Variants in NRXN1 observed in about 807,000 individuals in gnomAD.
NRXN1 encodes the protein neurexin-1.
A neutral mutation model predicts 150.9 loss-of-function variants in NRXN1; 39 were observed. The observed-to-expected ratio is 0.26, with a 90% confidence interval of 0.20 to 0.34. The LOEUF (loss-of-function observed/expected upper bound fraction) is 0.34. NRXN1 is among the 10% of genes least tolerant of loss of function. NRXN1 has a pLI of 1.00. For synonymous variants in NRXN1, 924 were observed against 757.0 expected (o/e 1.22, Z -3.62); for missense variants, 1,815 against 1,949.9 (o/e 0.93, Z 1.30).
At chr2:50,218,936 G>A (rs916695580) in intron 18 of NRXN1, among the ~76,000 whole-genome samples, 4 of 151,926 alleles carry the variant, frequency 2.6e-5, no homozygotes, top group African/African-American at 9.7e-5. Flanking sequence ...TAGTTTTCAA[G>A]AGAGATATTC....
intron 17 of NRXN1, among the ~76,000 whole-genome samples, chr2:50,377,812 A>G (rs2080636484): frequency 6.6e-6 from 1 of 152,182 alleles, no homozygotes; most frequent in South Asian, 2.1e-4. Flanking sequence ...CAAAATTGTG[A>G]GTAAGGAGCT....
intron 5 of NRXN1, among the ~76,000 whole-genome samples, chr2:50,866,446 A>C (rs1253734252): frequency 6.6e-6 from 1 of 151,944 alleles, no homozygotes; most frequent in Non-Finnish European, 1.5e-5. Context: ...AAGTGAGTTA[A>C]AATTTTCTAA....
intron 5 of NRXN1, among the ~76,000 whole-genome samples, chr2:50,660,978 C>A (rs1026149293): frequency 3.3e-5 from 5 of 151,912 alleles, no homozygotes; most frequent in Admixed American, 2.6e-4. Flanking sequence ...ATTGCAAGTT[C>A]TTTGTGTAGT....
chr2:50,145,321 G>GT (rs1707845426), intron 18 of NRXN1, among the ~76,000 whole-genome samples: 4 of 150,724 alleles, frequency 2.7e-5, no homozygotes, highest in Non-Finnish European at 4.4e-5. Context: ...CACAGAAATT[G>GT]TTTTTTTTCC....
At chr2:50,703,980 T>C (rs2104985165) in intron 5 of NRXN1, among the ~76,000 whole-genome samples, 1 of 152,192 alleles carries the variant, frequency 6.6e-6, no homozygotes. Context: ...TCAAAATATA[T>C]TAAAATATAT....
At chr2:50,699,119 A>G (rs1303600780) in intron 5 of NRXN1, among the ~76,000 whole-genome samples, 1 of 152,200 alleles carries the variant, frequency 6.6e-6, no homozygotes, top group Non-Finnish European at 1.5e-5. Context: ...GAAACACAAA[A>G]TGATAGCAGG....
chr2:50,376,182 T>TA (rs2080480378), intron 17 of NRXN1, among the ~76,000 whole-genome samples: 1 of 151,862 alleles, frequency 6.6e-6, no homozygotes, highest in South Asian at 2.1e-4. Context: ...TTGAAGCTTC[T>TA]AAAAAACCTA....
At chr2:50,660,813 T>A (rs1687190512) in intron 5 of NRXN1, among the ~76,000 whole-genome samples, 1 of 152,010 alleles carries the variant, frequency 6.6e-6, no homozygotes, top group South Asian at 2.1e-4. Flanking sequence ...CATCAATATA[T>A]CCAACAAATA....
intron 21 of NRXN1, among the ~76,000 whole-genome samples, chr2:49,995,572 G>C (rs1480587693): frequency 1.3e-5 from 2 of 151,608 alleles, no homozygotes; most frequent in African/African-American, 2.4e-5. Flanking sequence ...ACGAGGTCAG[G>C]AGATCGACAC....
intron 17 of NRXN1, among the ~76,000 whole-genome samples, chr2:50,267,399 A>G (rs1471616303): frequency 1.3e-5 from 2 of 152,232 alleles, no homozygotes; most frequent in Admixed American, 6.5e-5. Flanking sequence ...TTTATGGTAC[A>G]TATATTTCTT....
At chr2:50,302,593 A>G (rs1238961958) in intron 17 of NRXN1, among the ~76,000 whole-genome samples, 3 of 152,226 alleles carry the variant, frequency 2.0e-5, no homozygotes. Context: ...CGATTTATAC[A>G]CTGGGAAGTT....
chr2:50,102,590 C>T (rs1701118914), intron 18 of NRXN1, among the ~76,000 whole-genome samples: 1 of 152,026 alleles, frequency 6.6e-6, no homozygotes, highest in Non-Finnish European at 1.5e-5. Flanking sequence ...TTATTCGTTA[C>T]ACATTAAAAC....
chr2:50,834,747 A>G (rs1427873180), intron 5 of NRXN1, among the ~76,000 whole-genome samples: 2 of 152,154 alleles, frequency 1.3e-5, no homozygotes, highest in African/African-American at 4.8e-5. Context: ...CTGTGTGCGT[A>G]TCTTAGATTC....
chr2:50,495,319 C>CT (rs934401438), intron 15 of NRXN1, among the ~76,000 whole-genome samples: 29 of 149,698 alleles, frequency 1.9e-4, no homozygotes, highest in African/African-American at 6.7e-4. Flanking sequence ...TTAAGACTTT[C>CT]TTAGCAGCTG....
intron 8 of NRXN1, among the ~76,000 whole-genome samples, chr2:50,605,496 G>A (rs181888210): frequency 3.3e-5 from 5 of 152,122 alleles, no homozygotes; most frequent in Admixed American, 6.6e-5. Context: ...TTTCTTCAAA[G>A]AAGAAATACA....
intron 21 of NRXN1, among the ~76,000 whole-genome samples, chr2:49,948,723 TGA>T (rs989970817): frequency 6.6e-6 from 1 of 151,984 alleles, no homozygotes; most frequent in Non-Finnish European, 1.5e-5. Context: ...GACTTGCTGT[TGA>T]GAGAGTGGTA....
intron 9 of NRXN1, among the ~76,000 whole-genome samples, chr2:50,550,994 A>G (rs1667387706): frequency 6.7e-6 from 1 of 149,542 alleles, no homozygotes; most frequent in Non-Finnish European, 1.5e-5. Context: ...TCTCAGCTTA[A>G]ATCAGAAAGA....
At chr2:50,018,738 A>G (rs1298608872) in intron 21 of NRXN1, among the ~76,000 whole-genome samples, 2 of 152,186 alleles carry the variant, frequency 1.3e-5, no homozygotes, top group Non-Finnish European at 2.9e-5. Flanking sequence ...TTCCTGAGCA[A>G]TCTTGGTATA....
At position 50,981,765 on chromosome 2, in the gene NRXN1, C is replaced by T. The variant is rs530881655; in HGVS notation, c.772+45737G>A. ...TTCTGCAGCTGAGTATGGATTTCCT[C>T]CCAGTGACAGGCATTTTTGTAAGCA... is the stretch of plus-strand genomic sequence containing the variant. On this transcript the variant is annotated intron_variant, in intron 2 of 22. Transcript: ENST00000401669. Among the ~76,000 whole-genome samples, 9 of 151,932 alleles carry T rather than the reference C, an allele frequency of 5.9e-5. No individual in the cohort carries two copies. In the South Asian group the frequency reaches 1.7e-3, roughly 28 times the overall value.
Sources: allele counts gnomAD v4.1 joint callset (sites outside exome capture counted in the v4.1 genomes callset), GRCh38; gene constraint gnomAD v4.1.1; transcripts MANE v1.5; gene names NCBI Gene and HGNC (gene_info 2026-07-23, HGNC 2026-07-21).